DPP10: variants seen among roughly 807,000 people sequenced by gnomAD.
The protein encoded by DPP10 is inactive dipeptidyl peptidase 10.
Under a neutral mutation model 120.9 loss-of-function variants are expected in DPP10, and 33 were observed. The observed-to-expected ratio is 0.27, with a 90% CI of 0.21 to 0.37. The LOEUF (loss-of-function observed/expected upper bound fraction) is 0.37. Among genes scored for constraint, DPP10 ranks in the 10% least tolerant of loss-of-function variants. DPP10 has a pLI of 1.00. For missense variants in DPP10, 816 were observed against 942.8 expected, an observed-to-expected ratio of 0.87 and a Z score of 1.76; for synonymous variants, 337 against 326.1, an observed-to-expected ratio of 1.03 and a Z score of -0.36.
chr2:115,582,080 G>T (rs1157942902), intron 5 of DPP10, among the ~76,000 whole-genome samples: 2 of 152,106 alleles, frequency 1.3e-5, no homozygotes, highest in Admixed American at 6.5e-5. Context: ...CTTGGAAGAG[G>T]GGCAAGCGGG....
chr2:115,148,266 A>G (rs972706099), intron 1 of DPP10, among the ~76,000 whole-genome samples: 1 of 152,216 alleles, frequency 6.6e-6, no homozygotes, highest in Non-Finnish European at 1.5e-5. Flanking sequence ...TTCAACAAAT[A>G]GACCACAATC....
At chr2:115,784,677 G>T (rs1393888540) in intron 17 of DPP10, among the ~76,000 whole-genome samples, 2 of 152,020 alleles carry the variant, frequency 1.3e-5, no homozygotes, top group East Asian at 3.9e-4. Context: ...GGGATTACAG[G>T]CATGCATCAC....
At chr2:115,034,097 A>G (rs1331448110) in intron 1 of DPP10, among the ~76,000 whole-genome samples, 1 of 151,296 alleles carries the variant, frequency 6.6e-6, no homozygotes, top group Admixed American at 6.6e-5. Context: ...GGGTTTCACC[A>G]TGTTGGCCAG....
At chr2:115,218,313 T>C (rs1449366819) in intron 1 of DPP10, among the ~76,000 whole-genome samples, 2 of 152,164 alleles carry the variant, frequency 1.3e-5, no homozygotes, top group African/African-American at 4.8e-5. Flanking sequence ...TTGATTCTTC[T>C]TGAAGGGTGA....
intron 1 of DPP10, among the ~76,000 whole-genome samples, chr2:114,624,201 G>C (rs1268339733): frequency 6.6e-6 from 1 of 151,920 alleles, no homozygotes; most frequent in Non-Finnish European, 1.5e-5. Flanking sequence ...AAACCTTTAA[G>C]GATGAGTAGA....
At chr2:115,524,366 C>T (rs746656177) in intron 4 of DPP10, among the ~76,000 whole-genome samples, 3 of 152,016 alleles carry the variant, frequency 2.0e-5, no homozygotes, top group Admixed American at 6.6e-5. Context: ...TTATGAGTAG[C>T]AGTTTATTGT....
At chr2:114,708,761 T>C (rs1156751650) in intron 1 of DPP10, among the ~76,000 whole-genome samples, 1 of 152,164 alleles carries the variant, frequency 6.6e-6, no homozygotes, top group Non-Finnish European at 1.5e-5. Context: ...GTTTTTTGTT[T>C]TTTGTTTTTT....
intron 1 of DPP10, among the ~76,000 whole-genome samples, chr2:115,201,987 A>T (rs1385519009): frequency 6.6e-6 from 1 of 152,188 alleles, no homozygotes; most frequent in Non-Finnish European, 1.5e-5. Context: ...AGGGTACTGC[A>T]TGATTCAGGG....
chr2:114,939,698 T>C (rs1696753194), intron 1 of DPP10, among the ~76,000 whole-genome samples: 1 of 152,128 alleles, frequency 6.6e-6, no homozygotes, highest in Admixed American at 6.6e-5. Flanking sequence ...TTCACTTTTG[T>C]CCATTCATGT....
chr2:115,497,936 A>T (rs1005283575), intron 3 of DPP10, among the ~76,000 whole-genome samples: 3 of 148,472 alleles, frequency 2.0e-5, no homozygotes. Context: ...AGGAAAACAG[A>T]TAAAGTTAAT....
intron 1 of DPP10, among the ~76,000 whole-genome samples, chr2:114,836,727 A>G (rs1230677215): frequency 1.3e-5 from 2 of 152,182 alleles, no homozygotes; most frequent in East Asian, 3.9e-4. Flanking sequence ...TCCTCGTCCT[A>G]ATAAACCTGT....
At chr2:115,655,966 C>T (rs995303422) in intron 5 of DPP10, among the ~76,000 whole-genome samples, 3 of 151,298 alleles carry the variant, frequency 2.0e-5, no homozygotes, top group African/African-American at 2.4e-5. Context: ...CCAGGGACTG[C>T]GTGAGGAGAA....
chr2:115,135,039 G>T (rs2050579658), intron 1 of DPP10, among the ~76,000 whole-genome samples: 1 of 152,026 alleles, frequency 6.6e-6, no homozygotes, highest in East Asian at 1.9e-4. Flanking sequence ...GTTAGGAAGA[G>T]TAGTCATGGC....
chr2:115,593,970 A>G (rs143791438), intron 5 of DPP10, among the ~76,000 whole-genome samples: 13 of 152,302 alleles, frequency 8.5e-5, no homozygotes, highest in Non-Finnish European at 5.9e-5. Context: ...GATACCTATT[A>G]TGAAGTGGGT....
intron 3 of DPP10, among the ~76,000 whole-genome samples, chr2:115,421,945 C>T (rs2070012476): frequency 6.9e-6 from 1 of 144,202 alleles, no homozygotes; most frequent in Non-Finnish European, 1.5e-5. Flanking sequence ...AACTTTCCTT[C>T]TGTCTCTAAA....
chr2:115,698,823 C>T (rs12711831), intron 7 of DPP10, among the ~76,000 whole-genome samples: 142,004 of 152,094 alleles, frequency 0.93, 66,910 homozygotes, highest in Non-Finnish European at 1. Flanking sequence ...TTAAGACACT[C>T]ACATTAGAAA....
At chr2:115,689,990 T>C in intron 7 of DPP10, 69 bp downstream of exon 7, 1 of 1,496,376 alleles carries the variant, frequency 6.7e-7, no homozygotes. Context: ...TAACTGAAAC[T>C]TTGGAAAAAC....
intron 1 of DPP10, among the ~76,000 whole-genome samples, chr2:114,938,464 G>C (rs1696647679): frequency 6.6e-6 from 1 of 152,094 alleles, no homozygotes; most frequent in Admixed American, 6.6e-5. Flanking sequence ...CAAGTAACCA[G>C]AAGTGGATTA....
chr2:115,340,388 A>C (rs1397019196), intron 2 of DPP10, among the ~76,000 whole-genome samples: 1 of 152,102 alleles, frequency 6.6e-6, no homozygotes, highest in East Asian at 1.9e-4. Flanking sequence ...CAAAGATAAA[A>C]TAGTATTAAT....
Sources: gnomAD v4.1 joint callset for allele counts (sites outside exome capture counted in the v4.1 genomes callset) on GRCh38, gnomAD v4.1.1 for gene constraint, MANE v1.5 for transcripts, NCBI Gene and HGNC (gene_info 2026-07-23, HGNC 2026-07-21) for gene names.